The following DNER variants were observed in gnomAD, a reference collection of about 807,000 sequenced individuals.
DNER encodes delta and Notch-like epidermal growth factor-related receptor.
A neutral mutation model predicts 78.2 loss-of-function variants in DNER; 33 were observed. That is an observed-to-expected ratio of 0.42 (90% CI 0.32 to 0.56). The LOEUF is 0.56. Ranked by LOEUF, DNER falls within the 20% of genes least tolerant of loss-of-function variation. The probability of loss-of-function intolerance (pLI) is 0.11; values close to 1 mark genes in which losing one functional copy is unlikely to be tolerated. For synonymous variants in DNER, 417 were observed against 384.8 expected, an observed-to-expected ratio of 1.08 and a Z score of -0.98; for missense variants, 918 against 975.3, an observed-to-expected ratio of 0.94 and a Z score of 0.78.
intron 1 of DNER, among the ~76,000 whole-genome samples, chr2:229,704,529 A>G (rs931038102): frequency 2.6e-5 from 4 of 152,256 alleles, no homozygotes; most frequent in Admixed American, 2.0e-4. Flanking sequence ...ATAAGAAACA[A>G]ACAATTGATA....
At chr2:229,504,981 T>C (rs935927053) in intron 6 of DNER, among the ~76,000 whole-genome samples, 17 of 152,198 alleles carry the variant, frequency 1.1e-4, no homozygotes, top group African/African-American at 2.4e-4. Flanking sequence ...GAACATTGCA[T>C]AGGACCCTCC....
intron 2 of DNER, among the ~76,000 whole-genome samples, chr2:229,589,082 T>A (rs1434398788): frequency 2.6e-5 from 4 of 152,196 alleles, no homozygotes; most frequent in East Asian, 3.8e-4. Context: ...TATATTTTTT[T>A]AAAAAGGAGA....
intron 1 of DNER, among the ~76,000 whole-genome samples, chr2:229,610,141 G>C (rs1413914444): frequency 2.0e-5 from 3 of 152,286 alleles, no homozygotes; most frequent in Admixed American, 6.5e-5. Flanking sequence ...AAGATTTTCA[G>C]ACTTTGGAAT....
At chr2:229,660,224 G>T (rs1451186045) in intron 1 of DNER, among the ~76,000 whole-genome samples, 2 of 151,970 alleles carry the variant, frequency 1.3e-5, no homozygotes, top group African/African-American at 2.4e-5. Flanking sequence ...CATCATGCAG[G>T]TATTAAGACT....
chr2:229,380,722 C>T (rs1225703798), intron 11 of DNER, among the ~76,000 whole-genome samples: 8 of 151,956 alleles, frequency 5.3e-5, no homozygotes, highest in Non-Finnish European at 7.4e-5. Context: ...GTCAAGAGAT[C>T]GAGACCATCC....
chr2:229,600,205 T>A (rs1697801769), intron 1 of DNER, among the ~76,000 whole-genome samples: 3 of 152,150 alleles, frequency 2.0e-5, no homozygotes, highest in African/African-American at 4.8e-5. Flanking sequence ...GTTTGTTTTT[T>A]GTAAATAAAG....
intron 1 of DNER, among the ~76,000 whole-genome samples, chr2:229,652,762 A>G (rs1462984638): frequency 6.6e-6 from 1 of 152,198 alleles, no homozygotes; most frequent in Non-Finnish European, 1.5e-5. Context: ...GAAATACAGG[A>G]ATCAACATTA....
At chr2:229,379,915 G>A (rs910257645) in intron 11 of DNER, among the ~76,000 whole-genome samples, 2 of 152,152 alleles carry the variant, frequency 1.3e-5, no homozygotes, top group African/African-American at 4.8e-5. Flanking sequence ...TCTTCAACAA[G>A]AAAGTAGTTC....
chr2:229,378,450 T>A (rs1692658370), intron 11 of DNER, among the ~76,000 whole-genome samples: 3 of 152,276 alleles, frequency 2.0e-5, no homozygotes, highest in East Asian at 3.9e-4. Flanking sequence ...GGGATGACCT[T>A]GACCTGCTCA....
At chr2:229,598,202 C>G (rs940694702) in intron 1 of DNER, among the ~76,000 whole-genome samples, 2 of 152,172 alleles carry the variant, frequency 1.3e-5, no homozygotes, top group Non-Finnish European at 2.9e-5. Context: ...GATGGTGGGG[C>G]CTGGGGAGAC....
At chr2:229,491,324 G>A (rs891056463) in intron 6 of DNER, among the ~76,000 whole-genome samples, 18 of 152,102 alleles carry the variant, frequency 1.2e-4, no homozygotes, top group African/African-American at 4.3e-4. Flanking sequence ...CGGCACCTTC[G>A]AGATGCCCTC....
intron 8 of DNER, among the ~76,000 whole-genome samples, chr2:229,434,180 T>C (rs975421025): frequency 5.3e-5 from 8 of 152,340 alleles, no homozygotes; most frequent in African/African-American, 1.9e-4. Context: ...ACCACGATTA[T>C]CTTTCTGGCT....
intron 10 of DNER, among the ~76,000 whole-genome samples, chr2:229,402,098 G>A (rs554097564): frequency 7.9e-5 from 12 of 151,986 alleles, no homozygotes; most frequent in Admixed American, 1.3e-4. Context: ...CCATCTTGAA[G>A]TAGACAAAGA....
intron 5 of DNER, among the ~76,000 whole-genome samples, chr2:229,527,469 A>G (rs1227919486): frequency 6.6e-6 from 1 of 152,156 alleles, no homozygotes; most frequent in Non-Finnish European, 1.5e-5. Flanking sequence ...ATGTGTTACT[A>G]TTTTAGGGAC....
intron 8 of DNER, among the ~76,000 whole-genome samples, chr2:229,427,655 A>G (rs905331932): frequency 6.6e-6 from 1 of 152,142 alleles, no homozygotes; most frequent in Non-Finnish European, 1.5e-5. Context: ...GGGTGTGCAG[A>G]AGAATGATGA....
At chr2:229,669,152 TG>T (rs1411430489) in intron 1 of DNER, among the ~76,000 whole-genome samples, 2 of 151,556 alleles carry the variant, frequency 1.3e-5, no homozygotes, top group African/African-American at 4.9e-5. Flanking sequence ...CACTCACAAG[TG>T]GGAGTTGAAC....
At chr2:229,389,379 A>C (rs1427878220) in intron 10 of DNER, among the ~76,000 whole-genome samples, 1 of 145,180 alleles carries the variant, frequency 6.9e-6, no homozygotes, top group Non-Finnish European at 1.5e-5. Context: ...TTAAATTTAA[A>C]GGCATCTCAT....
intron 11 of DNER, among the ~76,000 whole-genome samples, chr2:229,378,358 T>C (rs906267380): frequency 1.3e-5 from 2 of 152,130 alleles, no homozygotes; most frequent in Non-Finnish European, 2.9e-5. Context: ...GAGACCTGAA[T>C]GAGAAGAAGG....
At chr2:229,655,895 C>A (rs1033273305) in intron 1 of DNER, among the ~76,000 whole-genome samples, 2 of 151,998 alleles carry the variant, frequency 1.3e-5, no homozygotes, top group Non-Finnish European at 2.9e-5. Flanking sequence ...TGTAAAGACC[C>A]ACATGAAGAT....
Sources: gnomAD v4.1 joint callset for allele counts (sites outside exome capture counted in the v4.1 genomes callset) on GRCh38, gnomAD v4.1.1 for gene constraint, MANE v1.5 for transcripts, NCBI Gene and HGNC (gene_info 2026-07-23, HGNC 2026-07-21) for gene names.